Variants in CPVL observed in about 807,000 individuals in gnomAD.
The protein encoded by CPVL is probable serine carboxypeptidase CPVL.
Under a neutral mutation model 63.7 loss-of-function variants are expected in CPVL, and 51 were observed. The ratio of observed to expected loss-of-function variants is 0.80; its 90% CI spans 0.64 to 1.01. The LOEUF (loss-of-function observed/expected upper bound fraction) is 1.01. Ranked by LOEUF, CPVL falls within the 50% of genes least tolerant of loss-of-function variation. The pLI is 0.00. For missense variants in CPVL, 530 were observed against 573.1 expected (o/e 0.92, Z 0.77); for synonymous variants, 195 against 206.0 (o/e 0.95, Z 0.46).
At chr7:29,193,566 T>G (rs1454370122) in intron 1 of CPVL, 1 of 152,222 alleles carries the variant, frequency 6.6e-6, no homozygotes, top group Non-Finnish European at 1.5e-5. Flanking sequence ...AGTTTTCTGT[T>G]GCTTTAGGAT....
intron 11 of CPVL, among the ~76,000 whole-genome samples, chr7:29,053,735 G>A (rs546848468): frequency 6.6e-6 from 1 of 152,040 alleles, no homozygotes; most frequent in South Asian, 2.1e-4. Flanking sequence ...TGAATTCTGT[G>A]GTATGTAAAT....
At chr7:29,167,985 G>A (rs927136235) in intron 5 of CPVL, among the ~76,000 whole-genome samples, 1 of 152,200 alleles carries the variant, frequency 6.6e-6, no homozygotes. Flanking sequence ...TGATCATAAT[G>A]AACAGATGAC....
chr7:29,064,379 C>G lies in CPVL; in HGVS notation c.964-145G>C, dbSNP rs577908066. On this transcript the variant is annotated intron_variant, in intron 10 of 12. Transcript: ENST00000265394. ...CTTGTCGCCATTCTTGAAATTTTAACTCGGAGGTTTTGAGATAATTTAGGT... is the reference window on the plus strand; with the variant it reads ...CTTGTCGCCATTCTTGAAATTTTAAGTCGGAGGTTTTGAGATAATTTAGGT... 2.4e-4 allele frequency: 121 copies of G among 514,440 alleles called. 1 individual carries two copies. The South Asian group carries it at 2.9e-3, about 12-fold the overall frequency. The allele number at this position is 514,440 out of a possible 1,614,324, so 31.9% of individuals were successfully genotyped here.
intron 11 of CPVL, among the ~76,000 whole-genome samples, chr7:29,051,106 A>G (rs1230742129): frequency 1.3e-5 from 2 of 152,218 alleles, no homozygotes; most frequent in Non-Finnish European, 2.9e-5. Context: ...TCAACTCAAG[A>G]TTGATTAAGG....
chr7:29,002,891 G>T (rs1242253955), intron 12 of CPVL, among the ~76,000 whole-genome samples: 2 of 143,258 alleles, frequency 1.4e-5, no homozygotes, highest in Non-Finnish European at 3.1e-5. Context: ...AGAAGAAGAA[G>T]ACGACATGAA....
At chr7:29,076,503 T>A (rs1784262521) in intron 7 of CPVL, among the ~76,000 whole-genome samples, 1 of 152,214 alleles carries the variant, frequency 6.6e-6, no homozygotes, top group African/African-American at 2.4e-5. Context: ...GGCAGTGACC[T>A]TCGAATGAGA....
intron 3 of CPVL, among the ~76,000 whole-genome samples, chr7:29,108,440 A>G (rs371173704): frequency 1.3e-5 from 2 of 152,270 alleles, no homozygotes; most frequent in South Asian, 4.1e-4. Flanking sequence ...AAAAATCCCA[A>G]TTTCACTTAG....
intron 4 of CPVL, among the ~76,000 whole-genome samples, chr7:29,182,501 A>G (rs1798187606): frequency 6.6e-6 from 1 of 152,234 alleles, no homozygotes; most frequent in South Asian, 2.1e-4. Flanking sequence ...AGATCATCCT[A>G]TTTAACTACT....
intron 12 of CPVL, among the ~76,000 whole-genome samples, chr7:29,024,668 C>T (rs1164201473): frequency 6.6e-6 from 1 of 152,112 alleles, no homozygotes; most frequent in Admixed American, 6.5e-5. Flanking sequence ...AACTTATAAG[C>T]CACGAGAAAA....
At chr7:29,031,617 G>A (rs1788029444) in intron 11 of CPVL, among the ~76,000 whole-genome samples, 1 of 152,078 alleles carries the variant, frequency 6.6e-6, no homozygotes, top group South Asian at 2.1e-4. Context: ...GAAATTCCTT[G>A]TCCCAGTAAT....
chr7:29,092,616 A>AT lies in CPVL; in HGVS notation c.542+6dup. Reference sequence around the variant, plus strand: ...AGGAAAGCCAAGAGAAAGCAGGAGCATTTTACCTGTATAAATCCCGTGCTA... The same window carrying AT: ...AGGAAAGCCAAGAGAAAGCAGGAGCATTTTTACCTGTATAAATCCCGTGCTA... On this transcript the variant is annotated splice_region_variant and intron_variant, in intron 6 of 12. Coordinates refer to ENST00000265394, the MANE Select transcript of CPVL (RefSeq NM_031311.5). 1.9e-6 allele frequency: 3 copies of AT among 1,604,618 alleles called. No individual in the cohort carries two copies. The highest frequency in any genetic ancestry group is 2.6e-6 in the Non-Finnish European group (3 of 1,171,336).
chr7:29,046,569 A>G (rs78951547), intron 11 of CPVL, among the ~76,000 whole-genome samples: 4 of 8,558 alleles, frequency 4.7e-4, no homozygotes, highest in South Asian at 2.1e-3. Context: ...GCGCGCGTGC[A>G]CACACACACA....
At chr7:29,074,772 G>A (rs1281181048) in intron 7 of CPVL, among the ~76,000 whole-genome samples, 2 of 150,086 alleles carry the variant, frequency 1.3e-5, no homozygotes, top group East Asian at 3.9e-4. Flanking sequence ...GCGTGAAAAT[G>A]AACTAATACA....
At chr7:29,034,887 G>A (rs1031097908) in intron 11 of CPVL, among the ~76,000 whole-genome samples, 33 of 149,374 alleles carry the variant, frequency 2.2e-4, no homozygotes, top group African/African-American at 7.2e-4. Context: ...AATGCTATGA[G>A]GTTGGATACC....
intron 5 of CPVL, among the ~76,000 whole-genome samples, chr7:29,094,788 G>A (rs1015723445): frequency 2.0e-5 from 3 of 151,874 alleles, no homozygotes; most frequent in Non-Finnish European, 2.9e-5. Context: ...AGGTTGAACC[G>A]GGGAGGCGGA....
intron 5 of CPVL, among the ~76,000 whole-genome samples, chr7:29,174,004 A>G (rs906502059): frequency 1.3e-5 from 2 of 152,098 alleles, no homozygotes; most frequent in Non-Finnish European, 2.9e-5. Context: ...TCTCATATTA[A>G]TTTAGAATAA....
intron 11 of CPVL, among the ~76,000 whole-genome samples, chr7:29,048,614 T>C (rs942340083): frequency 6.6e-6 from 1 of 152,068 alleles, no homozygotes; most frequent in Non-Finnish European, 1.5e-5. Context: ...CTGACAGCAC[T>C]AGACAGGTCA....
intron 7 of CPVL, among the ~76,000 whole-genome samples, chr7:29,081,719 G>T (rs1336804085): frequency 6.6e-6 from 1 of 152,214 alleles, no homozygotes; most frequent in Non-Finnish European, 1.5e-5. Flanking sequence ...TAGGCTGTAT[G>T]CTTGGGAGTC....
intron 1 of CPVL, chr7:29,186,671 A>G (rs547641466): frequency 6.6e-6 from 1 of 152,328 alleles, no homozygotes; most frequent in South Asian, 2.1e-4. Flanking sequence ...AAACATGAGT[A>G]TTCAAGCAAA....
Sources: gnomAD v4.1 joint callset for allele counts (sites outside exome capture counted in the v4.1 genomes callset) on GRCh38, gnomAD v4.1.1 for gene constraint, MANE v1.5 for transcripts, NCBI Gene and HGNC (gene_info 2026-07-23, HGNC 2026-07-21) for gene names.